GRIP1: variants seen among roughly 807,000 people sequenced by gnomAD.
GRIP1 encodes glutamate receptor interacting protein 1.
Under a neutral mutation model 129.9 loss-of-function variants are expected in GRIP1, and 45 were observed. The ratio of observed to expected loss-of-function variants is 0.35; its 90% confidence interval spans 0.27 to 0.44. The LOEUF (loss-of-function observed/expected upper bound fraction) is 0.44, where lower values mean the gene tolerates loss of function less well. Among genes scored for constraint, GRIP1 ranks in the 20% least tolerant of loss-of-function variants. The pLI is 1.00. For missense variants in GRIP1, 1,196 were observed against 1,396.8 expected (o/e 0.86, Z 2.29); for synonymous variants, 530 against 520.8 (o/e 1.02, Z -0.24).
At chr12:66,569,835 A>G (rs1017603564) in intron 2 of GRIP1, among the ~76,000 whole-genome samples, 1 of 152,140 alleles carries the variant, frequency 6.6e-6, no homozygotes, top group African/African-American at 2.4e-5. Flanking sequence ...TCTTGAGCTT[A>G]TGGGAAAGTA....
intron 1 of GRIP1, among the ~76,000 whole-genome samples, chr12:66,779,076 G>A (rs557602839): frequency 2.0e-5 from 3 of 152,216 alleles, no homozygotes; most frequent in South Asian, 4.2e-4. Context: ...TCAGAAAACC[G>A]GCTCAATAAA....
chr12:66,818,568 G>GT (rs897302279), intron 1 of GRIP1, among the ~76,000 whole-genome samples: 8 of 152,074 alleles, frequency 5.3e-5, no homozygotes, highest in South Asian at 2.1e-4. Flanking sequence ...TTCATTAAGT[G>GT]TTTTTTTGGA....
At chr12:66,634,394 G>T (rs1294834932) in intron 1 of GRIP1, among the ~76,000 whole-genome samples, 1 of 152,110 alleles carries the variant, frequency 6.6e-6, no homozygotes, top group Non-Finnish European at 1.5e-5. Flanking sequence ...GCCAATCATG[G>T]AAGACTTGCT....
At chr12:66,622,918 C>CATATG (rs928096363) in intron 1 of GRIP1, among the ~76,000 whole-genome samples, 3 of 152,130 alleles carry the variant, frequency 2.0e-5, no homozygotes, top group African/African-American at 7.2e-5. Flanking sequence ...TGCGGCACCC[C>CATATG]ATATGTTGTT....
chr12:66,393,252 C>T (rs1276906203), intron 17 of GRIP1, among the ~76,000 whole-genome samples: 1 of 134,224 alleles, frequency 7.5e-6, no homozygotes, highest in African/African-American at 2.8e-5. Flanking sequence ...GATCTTGGCT[C>T]ACTGCAACCT....
At chr12:67,018,183 C>G (rs988726319) in intron 1 of GRIP1, among the ~76,000 whole-genome samples, 1 of 152,046 alleles carries the variant, frequency 6.6e-6, no homozygotes, top group African/African-American at 2.4e-5. Flanking sequence ...TAGAAGACCC[C>G]CAAAAGTCTG....
intron 7 of GRIP1, among the ~76,000 whole-genome samples, chr12:66,503,869 G>A (rs1292372737): frequency 6.6e-6 from 1 of 152,214 alleles, no homozygotes; most frequent in Non-Finnish European, 1.5e-5. Context: ...GAAATGTGAG[G>A]TTAGAAAGAG....
chr12:66,640,250 G>C (rs2031802192), intron 1 of GRIP1, among the ~76,000 whole-genome samples: 1 of 152,164 alleles, frequency 6.6e-6, no homozygotes, highest in African/African-American at 2.4e-5. Context: ...AGAGATCATA[G>C]TTATTCAGAA....
chr12:66,504,321 G>T (rs1018401303), intron 7 of GRIP1, among the ~76,000 whole-genome samples: 1 of 152,152 alleles, frequency 6.6e-6, no homozygotes, highest in African/African-American at 2.4e-5. Context: ...GCCTCTTGTA[G>T]AGGGTGTAAA....
intron 1 of GRIP1, among the ~76,000 whole-genome samples, chr12:66,953,025 A>G (rs1189576869): frequency 6.6e-6 from 1 of 152,244 alleles, no homozygotes; most frequent in Non-Finnish European, 1.5e-5. Flanking sequence ...CTGCAACCCA[A>G]ATCAGAAGGG....
At chr12:66,921,395 A>G (rs763001500) in intron 1 of GRIP1, among the ~76,000 whole-genome samples, 3 of 152,218 alleles carry the variant, frequency 2.0e-5, no homozygotes, top group Non-Finnish European at 4.4e-5. Context: ...CCTTATCTGG[A>G]TCATTGAAAG....
chr12:66,559,184 T>A (rs1448885862), intron 2 of GRIP1, among the ~76,000 whole-genome samples: 5 of 149,316 alleles, frequency 3.3e-5, no homozygotes, highest in South Asian at 2.1e-4. Flanking sequence ...GGAACATACC[T>A]CAACATAATA....
At chr12:66,351,975 G>A (rs1035558281) in intron 24 of GRIP1, among the ~76,000 whole-genome samples, 1 of 152,174 alleles carries the variant, frequency 6.6e-6, no homozygotes, top group African/African-American at 2.4e-5. Flanking sequence ...AAAAAGTTGA[G>A]TCGGAATGAG....
intron 1 of GRIP1, among the ~76,000 whole-genome samples, chr12:66,863,034 GA>G (rs1397582887): frequency 6.6e-6 from 1 of 151,780 alleles, no homozygotes; most frequent in Non-Finnish European, 1.5e-5. Context: ...ATTAGGTTCA[GA>G]AAAAGGAATA....
At chr12:66,760,398 G>A (rs995416325) in intron 1 of GRIP1, among the ~76,000 whole-genome samples, 13 of 152,324 alleles carry the variant, frequency 8.5e-5, no homozygotes, top group African/African-American at 2.2e-4. Flanking sequence ...AAAATAAAAA[G>A]AGGTTTAATT....
intron 17 of GRIP1, among the ~76,000 whole-genome samples, chr12:66,393,778 C>T (rs1433855562): frequency 6.6e-6 from 1 of 152,034 alleles, no homozygotes; most frequent in Non-Finnish European, 1.5e-5. Flanking sequence ...TCCCATAATC[C>T]TTGAAGATGA....
At chr12:66,834,071 C>T (rs750815243) in intron 1 of GRIP1, among the ~76,000 whole-genome samples, 4 of 149,124 alleles carry the variant, frequency 2.7e-5, no homozygotes, top group African/African-American at 9.9e-5. Context: ...CCAGCTACTC[C>T]GGAGTCTGAG....
chr12:66,782,335 A>C (rs2038187890), intron 1 of GRIP1, among the ~76,000 whole-genome samples: 1 of 152,232 alleles, frequency 6.6e-6, no homozygotes, highest in African/African-American at 2.4e-5. Flanking sequence ...AATTAAGAGC[A>C]GTTAGTGTTC....
intron 1 of GRIP1, chr12:67,035,416 C>T (rs1010408616): frequency 2.6e-5 from 4 of 152,166 alleles, no homozygotes; most frequent in Non-Finnish European, 5.9e-5. Flanking sequence ...CACAATGAAA[C>T]AGCCAGCTGT....
Sources: gnomAD v4.1 joint callset for allele counts (sites outside exome capture counted in the v4.1 genomes callset) on GRCh38, gnomAD v4.1.1 for gene constraint, MANE v1.5 for transcripts, NCBI Gene and HGNC (gene_info 2026-07-23, HGNC 2026-07-21) for gene names.